CA10: variants seen among roughly 807,000 people sequenced by gnomAD.
CA10 encodes carbonic anhydrase-related protein 10.
A neutral mutation model predicts 44.2 loss-of-function variants in CA10; 14 were observed. The observed-to-expected ratio is 0.32, with a 90% CI of 0.21 to 0.50. The LOEUF (loss-of-function observed/expected upper bound fraction) is 0.50, where lower values mean the gene tolerates loss of function less well. CA10 is among the 20% of genes least tolerant of loss of function. The pLI, the probability that CA10 is intolerant of heterozygous loss-of-function variation, is 0.99. For synonymous variants in CA10, 159 were observed against 141.6 expected, an observed-to-expected ratio of 1.12 and a Z score of -0.87; for missense variants, 350 against 409.7, an observed-to-expected ratio of 0.85 and a Z score of 1.26.
At chr17:51,885,236 T>C (rs1355740738) in intron 3 of CA10, among the ~76,000 whole-genome samples, 1 of 152,146 alleles carries the variant, frequency 6.6e-6, no homozygotes, top group Non-Finnish European at 1.5e-5. Context: ...CTGGGTGGGA[T>C]GCAACCCATA....
At chr17:51,827,980 C>A (rs1488380140) in intron 3 of CA10, among the ~76,000 whole-genome samples, 1 of 152,184 alleles carries the variant, frequency 6.6e-6, no homozygotes, top group Non-Finnish European at 1.5e-5. Context: ...AACTTGGAAA[C>A]CTTGCATTGA....
At chr17:51,924,890 G>A (rs954339010) in intron 3 of CA10, among the ~76,000 whole-genome samples, 1 of 152,156 alleles carries the variant, frequency 6.6e-6, no homozygotes, top group Non-Finnish European at 1.5e-5. Flanking sequence ...CAGGTATCCA[G>A]AAATCAAAAG....
At chr17:51,771,191 C>G (rs1310802436) in intron 3 of CA10, among the ~76,000 whole-genome samples, 1 of 150,108 alleles carries the variant, frequency 6.7e-6, no homozygotes, top group African/African-American at 2.5e-5. Flanking sequence ...TCACTCTTCA[C>G]CAAGCCATTC....
chr17:51,839,366 G>A (rs1230776001), intron 3 of CA10, among the ~76,000 whole-genome samples: 2 of 152,090 alleles, frequency 1.3e-5, no homozygotes, highest in East Asian at 1.9e-4. Context: ...GGTGGCATGA[G>A]CCTGTAGTCC....
At chr17:52,072,854 G>C (rs1410608433) in intron 1 of CA10, among the ~76,000 whole-genome samples, 2 of 152,054 alleles carry the variant, frequency 1.3e-5, no homozygotes, top group Non-Finnish European at 2.9e-5. Context: ...GGTATACCCA[G>C]CCAGCTTTCC....
chr17:51,707,018 T>C (rs1195597257), intron 4 of CA10, among the ~76,000 whole-genome samples: 1 of 152,240 alleles, frequency 6.6e-6, no homozygotes. Context: ...TTGATCCTTA[T>C]ATATTTTACA....
intron 8 of CA10, among the ~76,000 whole-genome samples, chr17:51,632,303 C>A (rs943487513): frequency 1.6e-4 from 25 of 152,158 alleles, no homozygotes; most frequent in African/African-American, 6.0e-4. Flanking sequence ...GGTAGGAACA[C>A]AATACAGGGG....
At chr17:51,730,125 A>C (rs1214023527) in intron 4 of CA10, among the ~76,000 whole-genome samples, 1 of 152,202 alleles carries the variant, frequency 6.6e-6, no homozygotes, top group Non-Finnish European at 1.5e-5. Context: ...TTCTCCTAGC[A>C]CAACATCAGC....
intron 4 of CA10, among the ~76,000 whole-genome samples, chr17:51,667,824 C>G (rs984033857): frequency 6.6e-6 from 1 of 152,138 alleles, no homozygotes; most frequent in Non-Finnish European, 1.5e-5. Flanking sequence ...CCTAAGCTTC[C>G]AAAATATGCT....
At chr17:51,913,918 T>C (rs932123061) in intron 3 of CA10, among the ~76,000 whole-genome samples, 1 of 152,064 alleles carries the variant, frequency 6.6e-6, no homozygotes, top group African/African-American at 2.4e-5. Flanking sequence ...TCTATTACCA[T>C]TATTATTATC....
intron 3 of CA10, among the ~76,000 whole-genome samples, chr17:51,913,002 C>T (rs1047577173): frequency 1.3e-5 from 2 of 152,168 alleles, no homozygotes; most frequent in African/African-American, 4.8e-5. Flanking sequence ...AAGCTCAACC[C>T]AGTGGCTTTG....
chr17:51,784,935 C>T (rs1380894200), intron 3 of CA10, among the ~76,000 whole-genome samples: 1 of 152,190 alleles, frequency 6.6e-6, no homozygotes, highest in Non-Finnish European at 1.5e-5. Flanking sequence ...CACTATGCTT[C>T]CCAGCTTTGG....
intron 3 of CA10, among the ~76,000 whole-genome samples, chr17:51,890,596 G>T (rs1382468537): frequency 6.6e-6 from 1 of 152,154 alleles, no homozygotes; most frequent in African/African-American, 2.4e-5. Flanking sequence ...TCTTTGAGAA[G>T]TAGTCAGGGT....
In CA10 at chr17:51,831,472, C is replaced by T. The variant is rs192795692; in HGVS notation, c.280-83654G>A. On this transcript the variant is annotated intron_variant, in intron 3 of 8. Transcript: ENST00000451037. ...GTGGCTCAAAGTATCAGTAAGGATT[C>T]AGCCTCTATCTTCCCATGTTTTGTG... 1.5e-4 allele frequency among the ~76,000 whole-genome samples: 23 copies of T among 152,232 alleles called. No individual in the cohort carries two copies. In the East Asian group the frequency reaches 4.3e-3, roughly 28 times the overall value.
intron 3 of CA10, among the ~76,000 whole-genome samples, chr17:51,926,127 G>A (rs2143983019): frequency 6.6e-6 from 1 of 152,244 alleles, no homozygotes; most frequent in East Asian, 1.9e-4. Context: ...ACCAAACACA[G>A]GACCCATATG....
chr17:51,676,097 C>G (rs1259079104), intron 4 of CA10, among the ~76,000 whole-genome samples: 1 of 152,178 alleles, frequency 6.6e-6, no homozygotes, highest in Non-Finnish European at 1.5e-5. Flanking sequence ...CATGTGTGTA[C>G]AAGTTTTAGT....
chr17:51,770,907 C>T (rs980025567), intron 3 of CA10, among the ~76,000 whole-genome samples: 9 of 151,800 alleles, frequency 5.9e-5, no homozygotes, highest in African/African-American at 1.5e-4. Flanking sequence ...AGGCAGATCA[C>T]GAGGTCAAGA....
intron 3 of CA10, among the ~76,000 whole-genome samples, chr17:51,805,064 G>C (rs1467912250): frequency 6.6e-6 from 1 of 152,166 alleles, no homozygotes. Flanking sequence ...TTATGTGACT[G>C]TCTTGCTGGG....
intron 3 of CA10, among the ~76,000 whole-genome samples, chr17:51,889,040 A>G (rs927224042): frequency 6.6e-6 from 1 of 152,306 alleles, no homozygotes; most frequent in East Asian, 1.9e-4. Flanking sequence ...GCCAATCAGA[A>G]TAACAACACA....
Sources: gnomAD v4.1 joint callset for allele counts (sites outside exome capture counted in the v4.1 genomes callset) on GRCh38, gnomAD v4.1.1 for gene constraint, MANE v1.5 for transcripts, NCBI Gene and HGNC (gene_info 2026-07-23, HGNC 2026-07-21) for gene names.